The following TNKS variants were observed in gnomAD, a reference collection of about 807,000 sequenced individuals.
TNKS encodes tankyrase.
Under a neutral mutation model 135.8 loss-of-function variants are expected in TNKS, and 72 were observed. The ratio of observed to expected loss-of-function variants is 0.53; its 90% CI spans 0.44 to 0.64. The LOEUF is 0.64. TNKS is among the 30% of genes least tolerant of loss of function. The pLI, the probability that TNKS is intolerant of heterozygous loss-of-function variation, is 0.00. For synonymous variants in TNKS, 849 were observed against 649.3 expected (o/e 1.31, Z -4.68); for missense variants, 1,769 against 1,674.0 (o/e 1.06, Z -0.99).
intron 14 of TNKS, among the ~76,000 whole-genome samples, chr8:9,731,922 G>A (rs1034609110): frequency 1.3e-5 from 2 of 152,142 alleles, no homozygotes; most frequent in African/African-American, 4.8e-5. Flanking sequence ...CGAATAGCTG[G>A]GACTACAGGC....
Position 9,763,144 on chromosome 8 carries a change from C to T in TNKS, c.3275-3C>T, listed in dbSNP as rs1382756315. The T allele has an allele frequency of 1.3e-6, 2 of 1,556,612 alleles. No individual in the cohort carries two copies. Among genetic ancestry groups the T allele is most frequent in the Admixed American group, 3.5e-5 (2 of 57,492 alleles). Reference sequence around the variant, plus strand: ...TTTATATGTTAATTTTTCTCTCCGACAGGCACCAATCCTTATTTGACTTTT... The same window carrying T: ...TTTATATGTTAATTTTTCTCTCCGATAGGCACCAATCCTTATTTGACTTTT... On this transcript the variant is annotated splice_region_variant and splice_polypyrimidine_tract_variant and intron_variant, in intron 21 of 26. Coordinates refer to ENST00000310430, the MANE Select transcript of TNKS (RefSeq NM_003747.3).
At chr8:9,583,494 T>G (rs1798248871) in intron 2 of TNKS, among the ~76,000 whole-genome samples, 1 of 152,082 alleles carries the variant, frequency 6.6e-6, no homozygotes, top group Non-Finnish European at 1.5e-5. Context: ...ATATGATTTT[T>G]TTTTTCCTTT....
chr8:9,632,821 C>T (rs998815442), intron 3 of TNKS, among the ~76,000 whole-genome samples: 2 of 152,200 alleles, frequency 1.3e-5, no homozygotes, highest in African/African-American at 4.8e-5. Flanking sequence ...GCTCCGCCTC[C>T]CGGGTTCATA....
At chr8:9,677,319 C>G (rs1262072174) in intron 3 of TNKS, among the ~76,000 whole-genome samples, 1 of 152,186 alleles carries the variant, frequency 6.6e-6, no homozygotes, top group African/African-American at 2.4e-5. Flanking sequence ...TTATTATCAG[C>G]TTATCCGGGA....
chr8:9,630,530 T>A (rs1271023267), intron 3 of TNKS, among the ~76,000 whole-genome samples: 1 of 152,210 alleles, frequency 6.6e-6, no homozygotes, highest in African/African-American at 2.4e-5. Flanking sequence ...CTAACAGACT[T>A]ACTCTTCAAA....
At chr8:9,629,220 T>C (rs1391316998) in intron 3 of TNKS, among the ~76,000 whole-genome samples, 1 of 152,184 alleles carries the variant, frequency 6.6e-6, no homozygotes, top group African/African-American at 2.4e-5. Flanking sequence ...CTTGACTTCT[T>C]TTTCTAATAG....
At chr8:9,708,910 G>A (rs1804185334) in intron 9 of TNKS, among the ~76,000 whole-genome samples, 1 of 151,990 alleles carries the variant, frequency 6.6e-6, no homozygotes, top group South Asian at 2.1e-4. Context: ...TCAAAGAACT[G>A]ATTATATTCA....
At chr8:9,623,416 G>T (rs1041914660) in intron 3 of TNKS, among the ~76,000 whole-genome samples, 1 of 136,968 alleles carries the variant, frequency 7.3e-6, no homozygotes, top group Middle Eastern at 3.7e-3. Context: ...AGCAAATATT[G>T]CCATAAAGTG....
intron 13 of TNKS, among the ~76,000 whole-genome samples, chr8:9,729,923 C>T (rs1442589167): frequency 2.0e-5 from 3 of 151,680 alleles, no homozygotes; most frequent in South Asian, 2.1e-4. Context: ...ACTACAGGCA[C>T]GCGCCACCAT....
At chr8:9,622,018 AAG>A (rs775071816) in intron 3 of TNKS, among the ~76,000 whole-genome samples, 19 of 152,214 alleles carry the variant, frequency 1.2e-4, no homozygotes, top group Non-Finnish European at 4.4e-5. Context: ...TTTCTTGACT[AAG>A]AAAATTATAC....
rs557946939 is a variant in TNKS at position 9,646,210 on chromosome 8, A to G, written c.994+30533A>G. ...TCTTGCTCTTGAGATTTCTTTTTTT[A>G]TAGTATTTTAAAAAGATTTCCTTGT... On this transcript the variant is annotated intron_variant, in intron 3 of 26. Transcript: ENST00000310430. Among the ~76,000 whole-genome samples, 23 of 151,898 alleles carry G rather than the reference A, an allele frequency of 1.5e-4. No homozygotes were observed. The South Asian group carries it at 4.4e-3, about 29-fold the overall frequency.
intron 2 of TNKS, among the ~76,000 whole-genome samples, chr8:9,612,122 T>A (rs1483947304): frequency 1.3e-5 from 2 of 152,310 alleles, no homozygotes; most frequent in East Asian, 3.9e-4. Context: ...ATTTTAAAAG[T>A]CATGAGAACT....
In TNKS at chr8:9,556,362, C is replaced by T. The variant is rs1043252056; in HGVS notation, c.423C>T (p.Ser141=). The change falls in exon 1 of 27, where the codon TCC becomes TCT. Residue 141 remains serine (S), a synonymous_variant. Transcript: ENST00000310430. ...SSSSPTSSSS[S]SPSSPGSSLA... ...CTTCCCCGACTTCTTCCTCATCTTC[C>T]TCTCCATCCTCCCCTGGATCGAGCT... is the stretch of plus-strand genomic sequence containing the variant. 3.1e-6 allele frequency: 5 copies of T among 1,614,264 alleles called. No homozygotes were observed. The East Asian group carries it at 8.9e-5, about 29-fold the overall frequency.
At chr8:9,672,700 ACACACACACAC>A (rs1802345007) in intron 3 of TNKS, among the ~76,000 whole-genome samples, 1 of 125,964 alleles carries the variant, frequency 7.9e-6, no homozygotes, top group Non-Finnish European at 1.7e-5. Context: ...ACACACACAC[ACACACACACAC>A]AAAAAAAAAA....
intron 5 of TNKS, among the ~76,000 whole-genome samples, chr8:9,698,480 G>A (rs1467669582): frequency 1.4e-5 from 2 of 147,358 alleles, no homozygotes; most frequent in Non-Finnish European, 3.0e-5. Context: ...ACCGTATTAT[G>A]TACTTTGTAC....
intron 17 of TNKS, chr8:9,743,636 C>T: frequency 6.6e-6 from 1 of 152,212 alleles, no homozygotes; most frequent in East Asian, 1.9e-4. Flanking sequence ...GCCTATAATC[C>T]CAGCACTTTG....
At chr8:9,597,534 A>G (rs1798836011) in intron 2 of TNKS, among the ~76,000 whole-genome samples, 1 of 152,196 alleles carries the variant, frequency 6.6e-6, no homozygotes, top group Non-Finnish European at 1.5e-5. Context: ...ATTGTAATTT[A>G]GATTCTTTTA....
chr8:9,751,903 G>T (rs1044602394), intron 19 of TNKS, 57 bp downstream of exon 19: 9 of 1,526,538 alleles, frequency 5.9e-6, no homozygotes, highest in South Asian at 1.1e-5. Context: ...GGAGCAGAAT[G>T]ACTTTTTTCT....
intron 17 of TNKS, among the ~76,000 whole-genome samples, chr8:9,735,693 G>T (rs1019477242): frequency 2.0e-5 from 3 of 151,918 alleles, no homozygotes; most frequent in African/African-American, 7.3e-5. Context: ...CCAGCTACTC[G>T]GGAGGCTGAG....
Sources: gnomAD v4.1 joint callset for allele counts (sites outside exome capture counted in the v4.1 genomes callset) on GRCh38, gnomAD v4.1.1 for gene constraint, MANE v1.5 for transcripts, NCBI Gene and HGNC (gene_info 2026-07-23, HGNC 2026-07-21) for gene names.